The following ZNF541 variants were observed in gnomAD, a reference collection of about 807,000 sequenced individuals.
ZNF541 encodes the protein zinc finger protein 541.
A neutral mutation model predicts 123.5 loss-of-function variants in ZNF541; 23 were observed. The observed-to-expected ratio is 0.19, with a 90% CI of 0.13 to 0.26. The LOEUF (loss-of-function observed/expected upper bound fraction) is 0.26, where lower values mean the gene tolerates loss of function less well. Among genes scored for constraint, ZNF541 ranks in the 10% least tolerant of loss-of-function variants. The probability of loss-of-function intolerance (pLI) is 1.00; values close to 1 mark genes in which losing one functional copy is unlikely to be tolerated. For missense variants in ZNF541, 1,612 were observed against 1,789.9 expected (o/e 0.90, Z 1.79); for synonymous variants, 751 against 754.5 (o/e 1.00, Z 0.08).
chr19:47,540,252 G>A lies in ZNF541; in HGVS notation c.2546C>T (p.Thr849Met), dbSNP rs140989558. ...VCKNCSQMFY[T>M]EKGLSSHMCF... Reference sequence around the variant, plus strand: ...CATGTGGCTGCTCAGCCCTTTCTCCGTATAAAACATCTGGCTGCAGTTCTT... The same window carrying A: ...CATGTGGCTGCTCAGCCCTTTCTCCATATAAAACATCTGGCTGCAGTTCTT... The change falls in exon 7 of 17, where the codon ACG becomes ATG. Residue 849 changes from threonine (T) to methionine (M), a missense_variant. Thr to Met is a moderately conservative substitution (Grantham distance 81). Around this residue, in one of 5 missense-constraint regions of ZNF541, gnomAD observed 1,080 missense variants for 1,013.8 expected, o/e 1.07. Transcript: ENST00000391901. The A allele has an allele frequency of 1.0e-4, 157 of 1,551,770 alleles. No homozygotes were observed. The East Asian group carries it at 1.8e-3, about 17-fold the overall frequency.
Position 47,544,672 on chromosome 19 carries a change from C to T in ZNF541, c.1857G>A (p.Glu619=). The T allele has an allele frequency of 6.5e-7, 1 of 1,534,016 alleles. No individual in the cohort carries two copies. Among genetic ancestry groups the T allele is most frequent in the South Asian group, 1.2e-5 (1 of 82,454 alleles). The change falls in exon 5 of 17, where the codon GAG becomes GAA. Residue 619 remains glutamate (E), a synonymous_variant. Coordinates refer to ENST00000391901, the MANE Select transcript of ZNF541 (RefSeq NM_001277075.3). ...TCCTGCGGGCTGGGGAGCCCTCTGC[C>T]TCGGGGTTTCCAGGGCCGGCGTGGA... is the stretch of plus-strand genomic sequence containing the variant. The part of the protein sequence containing the change: ...DSLHAGPGNP[E]AEGSPARRRK...
chr19:47,549,206 C>T (rs1231420432), intron 4 of ZNF541, 39 bp downstream of exon 4: 14 of 1,550,180 alleles, frequency 9.0e-6, no homozygotes, highest in Non-Finnish European at 1.1e-5. Context: ...CCACCCCCAG[C>T]CCCTGAACAG....
rs1455622110 is a variant in ZNF541, at chr19:47,544,922, G to A, written c.1607C>T (p.Pro536Leu). The A allele has an allele frequency of 1.6e-5, 24 of 1,535,746 alleles. No individual in the cohort carries two copies. Among genetic ancestry groups the A allele is most frequent in the East Asian group, 2.4e-5 (1 of 40,912 alleles). ...CTTGAGGAAGAGCTGGCGGAAGAGC[G>A]GCGAGGCATCCGCAGGGAGCCCGCC... Reference protein sequence around the residue: ...KAGGLPADASPLFRQLFLKSQ... With the variant: ...KAGGLPADASLLFRQLFLKSQ... The change falls in exon 5 of 17, where the codon CCG becomes CTG. Residue 536 changes from proline (P) to leucine (L), a missense_variant. Pro to Leu is a moderately conservative substitution (Grantham distance 98). Transcript: ENST00000391901.
At chr19:47,537,616 A>G (rs1303545135) in intron 9 of ZNF541, among the ~76,000 whole-genome samples, 1 of 149,616 alleles carries the variant, frequency 6.7e-6, no homozygotes, top group Non-Finnish European at 1.5e-5. Flanking sequence ...GGTGGCTCAC[A>G]CATTTAATGC....
At chr19:47,534,582 C>T (rs759685686) in intron 9 of ZNF541, among the ~76,000 whole-genome samples, 2 of 151,716 alleles carry the variant, frequency 1.3e-5, no homozygotes, top group Non-Finnish European at 2.9e-5. Context: ...GAGTTAGAGG[C>T]TGCAGTGAGC....
intron 4 of ZNF541, among the ~76,000 whole-genome samples, chr19:47,546,493 C>G (rs1354936117): frequency 6.6e-6 from 1 of 151,008 alleles, no homozygotes; most frequent in Admixed American, 6.6e-5. Flanking sequence ...GCCTGGGTGA[C>G]AGAGTGAGAC....
intron 5 of ZNF541, among the ~76,000 whole-genome samples, chr19:47,543,546 A>G (rs558927632): frequency 1.4e-4 from 22 of 152,276 alleles, no homozygotes; most frequent in Admixed American, 1.2e-3. Context: ...AGATTCTAAA[A>G]AGGCAAATCC....
chr19:47,556,956 C>T (rs919372986), intron 2 of ZNF541, among the ~76,000 whole-genome samples: 1 of 151,890 alleles, frequency 6.6e-6, no homozygotes, highest in Admixed American at 6.6e-5. Context: ...TAGGGTTTCA[C>T]CATGTTTCCC....
intron 5 of ZNF541, among the ~76,000 whole-genome samples, chr19:47,543,571 GA>G (rs898005761): frequency 4.7e-4 from 64 of 134,988 alleles, no homozygotes; most frequent in East Asian, 2.1e-3. Context: ...GGAAACAAGA[GA>G]AAAAAAAAAG....
At chr19:47,543,215 T>C (rs1449383857) in intron 5 of ZNF541, among the ~76,000 whole-genome samples, 1 of 152,170 alleles carries the variant, frequency 6.6e-6, no homozygotes, top group Non-Finnish European at 1.5e-5. Context: ...GGGAAGCTAC[T>C]CATCCTCCTG....
Position 47,545,648 on chromosome 19 carries a change from G to A in ZNF541, c.881C>T (p.Pro294Leu), listed in dbSNP as rs1418144673. ...HQKTPSPGPA[P>L]AGASDSEGRN... The stretch of plus-strand genomic sequence containing the variant: ...CCCTTCGCTGTCTGAAGCCCCCGCC[G>A]GGGCTGGGCCAGGAGAAGGGGTCTT... Residue 294 changes from proline to leucine, a missense_variant, in exon 5 of 17, where the codon CCG (proline) becomes CTG (leucine). Physicochemically the swap from Pro to Leu is moderately conservative, Grantham distance 98. Around this residue, in one of 5 missense-constraint regions of ZNF541, gnomAD observed 1,080 missense variants for 1,013.8 expected, o/e 1.07. Coordinates refer to ENST00000391901, the MANE Select transcript of ZNF541 (RefSeq NM_001277075.3). The surrounding 1 kb of genome is among the most constrained non-coding windows in gnomAD (Gnocchi z 7.5). The A allele has an allele frequency of 2.6e-6, 4 of 1,549,860 alleles. No homozygotes were observed. The highest frequency in any genetic ancestry group is 2.4e-5 in the East Asian group (1 of 40,908).
rs532391198 is a variant in ZNF541 at position 47,552,544 on chromosome 19, C to A, written c.307+3006G>T. The stretch of plus-strand genomic sequence containing the variant: ...TTAAAAATGCCTATTAAAATCGAGA[C>A]CATCCTGGCTAACATGGTGAAACCC... On this transcript the variant is annotated intron_variant, in intron 3 of 16. Transcript: ENST00000391901. Among the ~76,000 whole-genome samples the A allele has an allele frequency of 9.1e-4, 138 of 152,008 alleles. 1 individual carries two copies. Among genetic ancestry groups the A allele is most frequent in the African/African-American group, 3.2e-3 (134 of 41,494 alleles).
At chr19:47,558,720 C>T (rs1970934798) in intron 2 of ZNF541, among the ~76,000 whole-genome samples, 1 of 150,732 alleles carries the variant, frequency 6.6e-6, no homozygotes, top group Non-Finnish European at 1.5e-5. Flanking sequence ...AGCCGGATTA[C>T]AGGTGCCCAC....
At chr19:47,525,392 T>G (rs1246171725) in intron 14 of ZNF541, among the ~76,000 whole-genome samples, 1 of 152,090 alleles carries the variant, frequency 6.6e-6, no homozygotes, top group African/African-American at 2.4e-5. Flanking sequence ...TTTTTTTTGG[T>G]AAAAATGGAT....
intron 14 of ZNF541, among the ~76,000 whole-genome samples, chr19:47,524,855 G>A (rs1237497806): frequency 6.6e-6 from 1 of 152,092 alleles, no homozygotes; most frequent in Non-Finnish European, 1.5e-5. Flanking sequence ...TCCAGCTTGG[G>A]CGACAGAGTG....
Position 47,549,444 on chromosome 19 carries a change from C to T in ZNF541, c.349G>A (p.Gly117Arg), listed in dbSNP as rs1191726660. 1.3e-6 allele frequency: 2 copies of T among 1,551,614 alleles called. No individual in the cohort carries two copies. Among genetic ancestry groups the T allele is most frequent in the Non-Finnish European group, 1.7e-6 (2 of 1,147,016 alleles). Residue 117 changes from glycine to arginine, a missense_variant, in exon 4 of 17, where the codon GGA (glycine) becomes AGA (arginine). This residue lies in a region of ZNF541 where 212 missense variants were observed against 289.6 expected (regional missense o/e 0.73). Transcript: ENST00000391901. ...GVLKAKEADEGGRATSGSARK... is the reference protein window; with the variant it reads ...GVLKAKEADERGRATSGSARK... ...GCACTCCCCGAGGTGGCCCTTCCTC[C>T]TTCGTCAGCCTCTTTAGCCTTAAGC...
At chr19:47,522,930 G>A (rs1229977485) in intron 14 of ZNF541, among the ~76,000 whole-genome samples, 1 of 151,334 alleles carries the variant, frequency 6.6e-6, no homozygotes, top group Non-Finnish European at 1.5e-5. Flanking sequence ...TATCTTTGTA[G>A]AGACAGGGTT....
intron 9 of ZNF541, among the ~76,000 whole-genome samples, chr19:47,535,791 C>T (rs539881177): frequency 1.5e-3 from 226 of 150,968 alleles, no homozygotes; most frequent in Non-Finnish European, 2.4e-3. Flanking sequence ...GGCATGGTCT[C>T]GGCTTACTGC....
In ZNF541 at chr19:47,545,496, G is replaced by A; in HGVS notation, c.1033C>T (p.Pro345Ser). 1 of 1,495,790 alleles carries A rather than the reference G, an allele frequency of 6.7e-7. No individual in the cohort carries two copies. The highest frequency in any genetic ancestry group is 1.4e-5 in the African/African-American group (1 of 71,424). 92.7% of individuals were successfully genotyped at this position (1,495,790 alleles called of 1,614,324 possible). The change falls in exon 5 of 17, where the codon CCG becomes TCG. Residue 345 changes from proline to serine, a missense_variant. Transcript: ENST00000391901. This position sits in a 1 kb window ranked among gnomAD's most constrained non-coding sequence, Gnocchi z 7.5. ...PEEPCLPQKE[P>S]ATDVFTAPNS... ...GGGGCTGTGAACACGTCAGTGGCCG[G>A]CTCTTTCTGTGGGAGGCAAGGCTCC...
Sources: gnomAD v4.1 joint callset for allele counts (sites outside exome capture counted in the v4.1 genomes callset) on GRCh38, gnomAD v4.1.1 for gene constraint, gnomAD v4.1.1 regional missense constraint, Gnocchi (gnomAD v3.1) non-coding constraint, MANE v1.5 for transcripts, NCBI Gene and HGNC (gene_info 2026-07-23, HGNC 2026-07-21) for gene names.